The following GUCY2F variants were observed in gnomAD, a reference collection of about 807,000 sequenced individuals.
GUCY2F encodes retinal guanylyl cyclase 2.
A neutral mutation model predicts 73.1 loss-of-function variants in GUCY2F; 61 were observed. That is an observed-to-expected ratio of 0.83 (90% confidence interval 0.68 to 1.03). GUCY2F has a LOEUF of 1.03. Among genes scored for constraint, GUCY2F ranks in the 50% least tolerant of loss-of-function variants. The pLI is 0.00. For synonymous variants in GUCY2F, 331 were observed against 307.8 expected (o/e 1.08, Z -0.79); for missense variants, 912 against 854.3 (o/e 1.07, Z -0.84).
intron 10 of GUCY2F, among the ~76,000 whole-genome samples, chrX:109,403,197 A>G (rs766225153): frequency 5.1e-4 from 56 of 109,444 alleles, no homozygotes; most frequent in African/African-American, 1.7e-3. Flanking sequence ...TCTCCCCCTC[A>G]TCTATCTGCT....
At chrX:109,421,144 A>G (rs999988237) in intron 8 of GUCY2F, among the ~76,000 whole-genome samples, 6 of 111,637 alleles carry the variant, frequency 5.4e-5, no homozygotes, top group African/African-American at 9.7e-5. Context: ...ACACTTGTGC[A>G]CTGTTGGTGG....
intron 2 of GUCY2F, among the ~76,000 whole-genome samples, chrX:109,472,781 T>A (rs1932603075): frequency 8.9e-6 from 1 of 111,997 alleles, no homozygotes; most frequent in South Asian, 3.7e-4. Context: ...TTTTGTTCAT[T>A]CTCTGGATCC....
chrX:109,477,067 G>T (rs920365407), intron 1 of GUCY2F, among the ~76,000 whole-genome samples: 4 of 111,125 alleles, frequency 3.6e-5, no homozygotes, highest in African/African-American at 1.3e-4. Context: ...TGAGTTGGAA[G>T]AAAGCAAGAC....
At chrX:109,399,719 G>A (rs1164505121) in intron 10 of GUCY2F, among the ~76,000 whole-genome samples, 2 of 111,125 alleles carry the variant, frequency 1.8e-5, no homozygotes, top group Non-Finnish European at 3.8e-5. Flanking sequence ...ATTAATCCAG[G>A]AAGACTTCCT....
rs1313256523 is a variant in GUCY2F, at chrX:109,475,191, G to A, written c.730+16C>T. 15 of 1,181,388 alleles carry A rather than the reference G, an allele frequency of 1.3e-5. No individual in the cohort carries two copies. The highest frequency in any genetic ancestry group is 1.5e-5 in the Non-Finnish European group (13 of 879,511). ...CCTGAAGTCACGTTTAAATTTCAGCGGGAGAAAGCACTCACTGCGAATTCT... is the reference window on the plus strand; with the variant it reads ...CCTGAAGTCACGTTTAAATTTCAGCAGGAGAAAGCACTCACTGCGAATTCT... On this transcript the variant is annotated intron_variant, in intron 2 of 19. Coordinates refer to ENST00000218006, the MANE Select transcript of GUCY2F (RefSeq NM_001522.3).
intron 7 of GUCY2F, among the ~76,000 whole-genome samples, chrX:109,437,586 C>T (rs1054728936): frequency 1.8e-5 from 2 of 112,637 alleles, no homozygotes; most frequent in Non-Finnish European, 3.7e-5. Flanking sequence ...ATCTGTTAGA[C>T]CAGCAATTCT....
intron 3 of GUCY2F, among the ~76,000 whole-genome samples, chrX:109,454,140 GA>G (rs1216938231): frequency 9.0e-6 from 1 of 111,480 alleles, no homozygotes; most frequent in African/African-American, 3.3e-5. Flanking sequence ...CCTAAACTAA[GA>G]AAATGATTTG....
At position 109,459,636 on chromosome X, in the gene GUCY2F, C is replaced by T. The variant is rs1444654946; in HGVS notation, c.1032+5506G>A. Among the ~76,000 whole-genome samples, 4 of 111,722 alleles carry T rather than the reference C, an allele frequency of 3.6e-5. No homozygotes were observed. In the Admixed American group the frequency reaches 3.8e-4, roughly 11 times the overall value. The stretch of plus-strand genomic sequence containing the variant: ...GAATCCCAGTCTCCTCCCAACATTG[C>T]TTCCGGAATACTGACAGCTATGATT... On this transcript the variant is annotated intron_variant, in intron 3 of 19. Transcript: ENST00000218006.
At chrX:109,414,430 T>C (rs1167007540) in intron 8 of GUCY2F, among the ~76,000 whole-genome samples, 1 of 112,331 alleles carries the variant, frequency 8.9e-6, no homozygotes, top group African/African-American at 3.2e-5. Context: ...TCAATGGTCA[T>C]ATAGAACACA....
At chrX:109,393,786 T>A (rs890821443) in intron 12 of GUCY2F, among the ~76,000 whole-genome samples, 4 of 112,287 alleles carry the variant, frequency 3.6e-5, no homozygotes, top group African/African-American at 1.3e-4. Context: ...AGTATTAGAA[T>A]CATGAGGGGT....
At chrX:109,399,865 C>T (rs758717548) in intron 10 of GUCY2F, among the ~76,000 whole-genome samples, 3 of 105,080 alleles carry the variant, frequency 2.9e-5, no homozygotes, top group African/African-American at 7.0e-5. Context: ...GAGCAAATTG[C>T]GGGTGGGGGG....
intron 17 of GUCY2F, among the ~76,000 whole-genome samples, chrX:109,379,286 G>A (rs1328877600): frequency 8.9e-6 from 1 of 111,883 alleles, no homozygotes; most frequent in Non-Finnish European, 1.9e-5. Context: ...AAGAATATGT[G>A]TGATTTTTTC....
chrX:109,441,622 C>T, intron 6 of GUCY2F, 140 bp from the exon 7 acceptor site: 1 of 400,482 alleles, frequency 2.5e-6, no homozygotes, highest in Non-Finnish European at 4.1e-6. Flanking sequence ...TTCATTTTCC[C>T]TATCCTTCTG....
intron 7 of GUCY2F, among the ~76,000 whole-genome samples, chrX:109,437,549 C>G (rs934887340): frequency 3.6e-5 from 4 of 112,598 alleles, no homozygotes; most frequent in Non-Finnish European, 7.5e-5. Flanking sequence ...AGAATGATAG[C>G]ATATTCAGCC....
At chrX:109,470,611 T>C (rs1932555063) in intron 2 of GUCY2F, among the ~76,000 whole-genome samples, 1 of 111,511 alleles carries the variant, frequency 9.0e-6, no homozygotes, top group Admixed American at 9.6e-5. Context: ...GGTCTATCAA[T>C]AGACCAGTGG....
intron 7 of GUCY2F, among the ~76,000 whole-genome samples, chrX:109,434,803 A>G (rs1290862599): frequency 3.6e-5 from 4 of 111,268 alleles, no homozygotes; most frequent in East Asian, 2.8e-4. Flanking sequence ...TAATTTTTGT[A>G]TAAGGTGTAA....
In GUCY2F at chrX:109,475,088, A is replaced by C; in HGVS notation, c.730+119T>G. 5.5e-6 allele frequency: 4 copies of C among 722,194 alleles called. No homozygotes were observed. In the East Asian group the frequency reaches 1.3e-4, roughly 23 times the overall value. 59.5% of individuals were successfully genotyped at this position (722,194 alleles called of 1,213,427 possible). A position where few individuals can be genotyped will look rare whatever the true frequency, so the allele number is the denominator to read the frequency against. ...CCTGTGTGTGAGTGAAAAAGGGCAA[A>C]TGTGTAAAGAAATGGGAAGGGATGT... On this transcript the variant is annotated intron_variant, in intron 2 of 19. Coordinates refer to ENST00000218006, the MANE Select transcript of GUCY2F (RefSeq NM_001522.3).
In GUCY2F at chrX:109,404,549, T is replaced by C. The variant is rs1021958990; in HGVS notation, c.1969-65A>G. ...AACTATTTTGTGCTTTTAACACCAA[T>C]TTCTGAGATTGTTAATGGCATGAGC... On this transcript the variant is annotated intron_variant, in intron 9 of 19. Transcript: ENST00000218006. 5.2e-6 allele frequency: 4 copies of C among 764,865 alleles called. No homozygotes were observed. In the African/African-American group the frequency reaches 6.3e-5, roughly 12 times the overall value. The allele number at this position is 764,865 out of a possible 1,213,427, so 63.0% of individuals were successfully genotyped here.
intron 8 of GUCY2F, among the ~76,000 whole-genome samples, chrX:109,414,783 G>C (rs1425034078): frequency 5.4e-5 from 6 of 111,746 alleles, no homozygotes; most frequent in Non-Finnish European, 1.1e-4. Context: ...ATGCAAAGAA[G>C]GGAAGGAAAA....
Sources: allele counts gnomAD v4.1 joint callset (sites outside exome capture counted in the v4.1 genomes callset), GRCh38; gene constraint gnomAD v4.1.1; transcripts MANE v1.5; gene names NCBI Gene and HGNC (gene_info 2026-07-23, HGNC 2026-07-21).